Variants in MAP2K5 observed in about 807,000 individuals in gnomAD.
MAP2K5 encodes mitogen-activated protein kinase kinase 5.
Under a neutral mutation model 83.1 loss-of-function variants are expected in MAP2K5, and 49 were observed. That is an observed-to-expected ratio of 0.59 (90% CI 0.47 to 0.75). MAP2K5 has a LOEUF of 0.75. Among genes scored for constraint, MAP2K5 ranks in the 30% least tolerant of loss-of-function variants. MAP2K5 has a pLI of 0.00. For synonymous variants in MAP2K5, 202 were observed against 191.8 expected (o/e 1.05, Z -0.44); for missense variants, 457 against 557.5 (o/e 0.82, Z 1.82).
chr15:67,645,770 CAT>C (rs1412153580), intron 9 of MAP2K5, among the ~76,000 whole-genome samples: 1 of 151,796 alleles, frequency 6.6e-6, no homozygotes, highest in Non-Finnish European at 1.5e-5. Flanking sequence ...TTAGACTGGC[CAT>C]ATACCCCTGG....
In MAP2K5 at chr15:67,794,624, G is replaced by C. The variant is rs1162346247; in HGVS notation, c.1243-12022G>C. ...ATTCCACTGAGGGTCGGGTAACTCTGGAACATCACAGCTGAAAAAAAAAAA... is the reference window on the plus strand; with the variant it reads ...ATTCCACTGAGGGTCGGGTAACTCTCGAACATCACAGCTGAAAAAAAAAAA... On this transcript the variant is annotated intron_variant, in intron 21 of 21. Coordinates refer to ENST00000178640, the MANE Select transcript of MAP2K5 (RefSeq NM_145160.3). This position sits in a 1 kb window ranked among gnomAD's most constrained non-coding sequence, Gnocchi z 4.6. 7.4e-6 allele frequency among the ~76,000 whole-genome samples: 1 copy of C among 135,406 alleles called. No individual in the cohort carries two copies. Among genetic ancestry groups the C allele is most frequent in the Non-Finnish European group, 1.5e-5 (1 of 65,554 alleles). The allele number at this position is 135,406 out of a possible 152,430, so 88.8% of individuals were successfully genotyped here. A position where few individuals can be genotyped will look rare whatever the true frequency, so the allele number is the denominator to read the frequency against.
chr15:67,727,993 T>C (rs1445709433), intron 17 of MAP2K5, 48 bp downstream of exon 17: 2 of 1,490,426 alleles, frequency 1.3e-6, no homozygotes, highest in Middle Eastern at 1.7e-4. Flanking sequence ...TTCATTCCTA[T>C]GTATGAAGGT....
rs1467463473 is a variant in MAP2K5 at position 67,794,421 on chromosome 15, A to G, written c.1243-12225A>G. Among the ~76,000 whole-genome samples the G allele has an allele frequency of 1.3e-5, 2 of 152,172 alleles. No homozygotes were observed. ...CTTTTTGTGCATTTCCTTTTTTAAA[A>G]AAGGAGGGGTCTGTTTCAGATGGAA... On this transcript the variant is annotated intron_variant, in intron 21 of 21. Coordinates refer to ENST00000178640, the MANE Select transcript of MAP2K5 (RefSeq NM_145160.3). The surrounding 1 kb of genome is among the most constrained non-coding windows in gnomAD (Gnocchi z 4.6).
chr15:67,703,311 A>G (rs1210310440), intron 15 of MAP2K5, 26 bp from the exon 16 acceptor site: 1 of 1,586,482 alleles, frequency 6.3e-7, no homozygotes, highest in Non-Finnish European at 8.7e-7. Context: ...CCGTCCACTC[A>G]CAGGCTCCCT....
At position 67,561,168 on chromosome 15, in the gene MAP2K5, C is replaced by A. The variant is rs913244766; in HGVS notation, c.185-2115C>A. On this transcript the variant is annotated intron_variant, in intron 2 of 21. Transcript: ENST00000178640. The surrounding 1 kb of genome is among the most constrained non-coding windows in gnomAD (Gnocchi z 4.2). ...CTTCATAAAGAACAAATCAGTTTAGCCTACATTTAAAGAGAATTTGACCTG... is the reference window on the plus strand; with the variant it reads ...CTTCATAAAGAACAAATCAGTTTAGACTACATTTAAAGAGAATTTGACCTG... Among the ~76,000 whole-genome samples the A allele has an allele frequency of 1.3e-5, 2 of 152,128 alleles. No individual in the cohort carries two copies. The highest frequency in any genetic ancestry group is 2.9e-5 in the Non-Finnish European group (2 of 68,028).
chr15:67,581,258 G>A (rs2085175407), intron 4 of MAP2K5, among the ~76,000 whole-genome samples: 2 of 152,142 alleles, frequency 1.3e-5, no homozygotes, highest in African/African-American at 4.8e-5. Flanking sequence ...GGAATGTTTG[G>A]TATCTGGTTT....
Position 67,769,940 on chromosome 15 carries a change from C to A in MAP2K5, c.1196+277C>A. ...CTTTAAGCACAAATACTGTTGCCAT[C>A]CTTTTTTAAAAAAAGAAATACACAA... On this transcript the variant is annotated intron_variant, in intron 20 of 21. Transcript: ENST00000178640. This position sits in a 1 kb window ranked among gnomAD's most constrained non-coding sequence, Gnocchi z 5.2. The A allele has an allele frequency of 3.4e-6, 1 of 298,410 alleles. No individual in the cohort carries two copies. Among genetic ancestry groups the A allele is most frequent in the South Asian group, 8.6e-5 (1 of 11,602 alleles). The allele number at this position is 298,410 out of a possible 1,614,324, so 18.5% of individuals were successfully genotyped here.
intron 6 of MAP2K5, among the ~76,000 whole-genome samples, chr15:67,588,758 C>T (rs2085336234): frequency 6.6e-6 from 1 of 152,190 alleles, no homozygotes; most frequent in South Asian, 2.1e-4. Flanking sequence ...CTCAGTGTCT[C>T]TCTTCAGGTG....
intron 8 of MAP2K5, among the ~76,000 whole-genome samples, chr15:67,626,032 C>G (rs1404105859): frequency 2.6e-5 from 4 of 152,126 alleles, no homozygotes; most frequent in Non-Finnish European, 5.9e-5. Context: ...CTTTTTACAA[C>G]TTTTGAATCC....
At chr15:67,570,868 G>A (rs1459731240) in intron 3 of MAP2K5, among the ~76,000 whole-genome samples, 1 of 152,110 alleles carries the variant, frequency 6.6e-6, no homozygotes, top group Non-Finnish European at 1.5e-5. Context: ...TTTATCATTA[G>A]TATGAAAAAA....
At position 67,793,090 on chromosome 15, in the gene MAP2K5, A is replaced by C. The variant is rs1299918802; in HGVS notation, c.1243-13556A>C. On this transcript the variant is annotated intron_variant, in intron 21 of 21. Coordinates refer to ENST00000178640, the MANE Select transcript of MAP2K5 (RefSeq NM_145160.3). This position sits in a 1 kb window ranked among gnomAD's most constrained non-coding sequence, Gnocchi z 4.6. Reference sequence around the variant, plus strand: ...CAAGAGGTCTTAAATGTGTTATAACACTGCTCTATCCTCTTAAACAGATTA... The same window carrying C: ...CAAGAGGTCTTAAATGTGTTATAACCCTGCTCTATCCTCTTAAACAGATTA... Among the ~76,000 whole-genome samples, 1 of 152,266 alleles carries C rather than the reference A, an allele frequency of 6.6e-6. No individual in the cohort carries two copies. The highest frequency in any genetic ancestry group is 1.5e-5 in the Non-Finnish European group (1 of 68,050).
chr15:67,665,488 G>T lies in MAP2K5; in HGVS notation c.847+843G>T, dbSNP rs1184526533. 6.6e-6 allele frequency among the ~76,000 whole-genome samples: 1 copy of T among 152,100 alleles called. No homozygotes were observed. The highest frequency in any genetic ancestry group is 1.9e-4 in the East Asian group (1 of 5,200). ...AGCATACACATTAGATGTGACTAAA[G>T]GAAAGTTTTTTCTTTTAAGGATATA... On this transcript the variant is annotated intron_variant, in intron 13 of 21. Coordinates refer to ENST00000178640, the MANE Select transcript of MAP2K5 (RefSeq NM_145160.3). The surrounding 1 kb of genome is among the most constrained non-coding windows in gnomAD (Gnocchi z 4.2).
Position 67,562,987 on chromosome 15 carries a change from C to T in MAP2K5, c.185-296C>T, listed in dbSNP as rs572500493. ...CTGGCCTCTCGTTGGTTTTTAGTTCCGCTAACCAAACCTGTTTTGTCATAC... is the reference window on the plus strand; with the variant it reads ...CTGGCCTCTCGTTGGTTTTTAGTTCTGCTAACCAAACCTGTTTTGTCATAC... On this transcript the variant is annotated intron_variant, in intron 2 of 21. Coordinates refer to ENST00000178640, the MANE Select transcript of MAP2K5 (RefSeq NM_145160.3). The surrounding 1 kb of genome is among the most constrained non-coding windows in gnomAD (Gnocchi z 4.1). Among the ~76,000 whole-genome samples, 6 of 151,952 alleles carry T rather than the reference C, an allele frequency of 3.9e-5. No homozygotes were observed. Among genetic ancestry groups the T allele is most frequent in the South Asian group, 2.1e-4 (1 of 4,794 alleles).
At chr15:67,791,683 A>C (rs1466365843) in intron 21 of MAP2K5, among the ~76,000 whole-genome samples, 1 of 152,228 alleles carries the variant, frequency 6.6e-6, no homozygotes, top group African/African-American at 2.4e-5. Flanking sequence ...AAGTAACAGT[A>C]ATGCCATCCA....
chr15:67,686,818 CTTTAAAG>C (rs1025158113), intron 13 of MAP2K5, among the ~76,000 whole-genome samples: 14 of 152,132 alleles, frequency 9.2e-5, no homozygotes, highest in East Asian at 3.9e-4. Flanking sequence ...AGCTTAAAAA[CTTTAAAG>C]TTTAAAGGTT....
At chr15:67,691,988 G>A (rs758572641) in intron 13 of MAP2K5, among the ~76,000 whole-genome samples, 1 of 152,040 alleles carries the variant, frequency 6.6e-6, no homozygotes, top group Non-Finnish European at 1.5e-5. Flanking sequence ...TTCCTCATCG[G>A]TTTCATTCAA....
In MAP2K5 at chr15:67,693,509, G is replaced by T. The variant is rs576345961; in HGVS notation, c.922-9G>T. ...TTATATTGTTCTAACAGACTGTTTTGTCTCATAGCTGGTGAATTCTATAGC... is the reference window on the plus strand; with the variant it reads ...TTATATTGTTCTAACAGACTGTTTTTTCTCATAGCTGGTGAATTCTATAGC... On this transcript the variant is annotated splice_polypyrimidine_tract_variant and intron_variant, in intron 14 of 21. Transcript: ENST00000178640. 7 of 1,607,382 alleles carry T rather than the reference G, an allele frequency of 4.4e-6. No homozygotes were observed. In the East Asian group the frequency reaches 1.3e-4, roughly 31 times the overall value.
chr15:67,758,563 C>T lies in MAP2K5; in HGVS notation c.1134+9962C>T, dbSNP rs1461105377. On this transcript the variant is annotated intron_variant, in intron 19 of 21. Coordinates refer to ENST00000178640, the MANE Select transcript of MAP2K5 (RefSeq NM_145160.3). This position sits in a 1 kb window ranked among gnomAD's most constrained non-coding sequence, Gnocchi z 4.7. ...AGTACTGCACCTAACATCCTATAGGCTCTTGTAAATATTCATCAAATGACA... is the reference window on the plus strand; with the variant it reads ...AGTACTGCACCTAACATCCTATAGGTTCTTGTAAATATTCATCAAATGACA... 6.6e-6 allele frequency among the ~76,000 whole-genome samples: 1 copy of T among 152,128 alleles called. No individual in the cohort carries two copies. Among genetic ancestry groups the T allele is most frequent in the Non-Finnish European group, 1.5e-5 (1 of 68,014 alleles).
At chr15:67,639,768 T>G (rs1227352960) in intron 9 of MAP2K5, among the ~76,000 whole-genome samples, 1 of 152,262 alleles carries the variant, frequency 6.6e-6, no homozygotes, top group Non-Finnish European at 1.5e-5. Flanking sequence ...TAAGTTGAAC[T>G]CGTTGCCTTA....
Sources: allele counts gnomAD v4.1 joint callset (sites outside exome capture counted in the v4.1 genomes callset), GRCh38; gene constraint gnomAD v4.1.1; non-coding constraint Gnocchi (gnomAD v3.1); transcripts MANE v1.5; gene names NCBI Gene and HGNC (gene_info 2026-07-23, HGNC 2026-07-21).